The following DST variants were observed in gnomAD, a reference collection of about 807,000 sequenced individuals.
DST encodes dystonin.
A neutral mutation model predicts 875.2 loss-of-function variants in DST; 253 were observed. That is an observed-to-expected ratio of 0.29 (90% CI 0.26 to 0.32). DST has a LOEUF of 0.32. DST is among the 10% of genes least tolerant of loss of function. DST has a pLI of 1.00. For synonymous variants in DST, 3,124 were observed against 3,197.1 expected, an observed-to-expected ratio of 0.98 and a Z score of 0.77; for missense variants, 8,287 against 9,111.6, an observed-to-expected ratio of 0.91 and a Z score of 3.68.
At chr6:56,826,768 A>G (rs1363893825) in intron 4 of DST, among the ~76,000 whole-genome samples, 3 of 152,200 alleles carry the variant, frequency 2.0e-5, no homozygotes, top group Admixed American at 2.0e-4. Context: ...CTGCTATTAC[A>G]AACAATGTCA....
chr6:56,613,282 T>A (rs1482050627), intron 37 of DST, among the ~76,000 whole-genome samples: 2 of 152,182 alleles, frequency 1.3e-5, no homozygotes, highest in African/African-American at 4.8e-5. Flanking sequence ...ATCCCACATA[T>A]ATAGTATGTA....
chr6:56,814,056 A>G (rs887513072), intron 4 of DST, among the ~76,000 whole-genome samples: 22 of 152,176 alleles, frequency 1.4e-4, no homozygotes, highest in African/African-American at 5.3e-4. Flanking sequence ...TGTATTACTA[A>G]CTCAAAAATA....
intron 4 of DST, among the ~76,000 whole-genome samples, chr6:56,821,262 C>T (rs923850203): frequency 1.3e-5 from 2 of 152,114 alleles, no homozygotes; most frequent in Admixed American, 1.3e-4. Context: ...GGATCTAGTG[C>T]AATACATGGC....
chr6:56,516,180 A>AGAGAAAGAGAAAGAGAAG, intron 71 of DST, among the ~76,000 whole-genome samples: 1 of 150,030 alleles, frequency 6.7e-6, no homozygotes, highest in African/African-American at 2.4e-5. Context: ...AGAGAAAGAA[A>AGAGAAAGAGAAAGAGAAG]GAGAAAGAGA....
chr6:56,713,175 T>C (rs922839214), intron 5 of DST, among the ~76,000 whole-genome samples: 4 of 152,284 alleles, frequency 2.6e-5, no homozygotes, highest in South Asian at 2.1e-4. Context: ...GGGCATGGTA[T>C]GATTCCAGGT....
At chr6:56,553,775 G>A (rs1345283619) in intron 60 of DST, 120 bp from the exon 61 acceptor site, 9 of 914,426 alleles carry the variant, frequency 9.8e-6, no homozygotes, top group Non-Finnish European at 1.4e-5. Context: ...AGGGCTTTTA[G>A]CATTGACTAT....
intron 103 of DST, among the ~76,000 whole-genome samples, chr6:56,459,800 T>C (rs1177846472): frequency 6.6e-6 from 1 of 152,224 alleles, no homozygotes; most frequent in African/African-American, 2.4e-5. Context: ...AGGCTCAGTG[T>C]GGCTGGGTTC....
At chr6:56,674,571 A>G (rs1023961689) in intron 9 of DST, among the ~76,000 whole-genome samples, 2 of 152,228 alleles carry the variant, frequency 1.3e-5, no homozygotes, top group East Asian at 3.8e-4. Context: ...TGCTGGGATT[A>G]CAGGCGTGAG....
At chr6:56,724,283 C>G (rs2099435859) in intron 5 of DST, among the ~76,000 whole-genome samples, 1 of 152,196 alleles carries the variant, frequency 6.6e-6, no homozygotes, top group African/African-American at 2.4e-5. Context: ...CTATAGGAAT[C>G]ATTTCTACTT....
At position 56,606,621 on chromosome 6, in the gene DST, C is replaced by T. The variant is rs767141835; in HGVS notation, c.8007G>A (p.Met2669Ile). 6.8e-6 allele frequency: 11 copies of T among 1,613,418 alleles called. No homozygotes were observed. The highest frequency in any genetic ancestry group is 9.3e-6 in the Non-Finnish European group (11 of 1,179,614). The change falls in exon 40 of 104, where the codon ATG (methionine) becomes ATA (isoleucine). Residue 2669 changes from methionine to isoleucine, a missense_variant. By Grantham distance (10) the Met-to-Ile change is conservative. Around this residue, in one of 10 missense-constraint regions of DST, gnomAD observed 3,138 missense variants for 3,116.6 expected, o/e 1.01. Transcript: ENST00000680361. ...YDVSKENENS[M>I]VPQGAPVGSL... ...TACCAACTGGTGCCCCCTGGGGAAC[C>T]ATGGAATTTTCATTCTCTTTTGAGA...
At chr6:56,627,363 A>G (rs962108630) in intron 33 of DST, 76 bp from the exon 34 acceptor site, 21 of 972,644 alleles carry the variant, frequency 2.2e-5, no homozygotes, top group Non-Finnish European at 3.5e-5. Flanking sequence ...TCAGTAACTA[A>G]GACATATCTA....
intron 4 of DST, among the ~76,000 whole-genome samples, chr6:56,749,182 G>A (rs1172069738): frequency 2.0e-5 from 3 of 151,960 alleles, no homozygotes; most frequent in East Asian, 1.9e-4. Context: ...GTGAAACCTC[G>A]TCTCTACTAA....
At chr6:56,522,038 C>A (rs1040879995) in intron 69 of DST, among the ~76,000 whole-genome samples, 3 of 152,108 alleles carry the variant, frequency 2.0e-5, no homozygotes, top group African/African-American at 7.2e-5. Flanking sequence ...GCTACTGTAA[C>A]TTCTGTTTAT....
At chr6:56,780,732 T>C (rs1356101249) in intron 4 of DST, among the ~76,000 whole-genome samples, 1 of 150,318 alleles carries the variant, frequency 6.7e-6, no homozygotes, top group South Asian at 2.1e-4. Flanking sequence ...TTAGTTTAAT[T>C]AGATCCCATT....
intron 61 of DST, among the ~76,000 whole-genome samples, chr6:56,550,757 T>C (rs1235267241): frequency 6.6e-6 from 1 of 152,198 alleles, no homozygotes; most frequent in East Asian, 1.9e-4. Flanking sequence ...TAAATTTCAT[T>C]AGTATAAACA....
chr6:56,731,782 T>C (rs1308209893), intron 5 of DST, among the ~76,000 whole-genome samples: 7 of 152,344 alleles, frequency 4.6e-5, no homozygotes, highest in Non-Finnish European at 7.3e-5. Flanking sequence ...CATACAGTCA[T>C]AGAGTAATAT....
rs1199553212 is a variant in DST at position 56,593,975 on chromosome 6, C to T, written c.12414G>A (p.Lys4138=). 1 of 1,613,874 alleles carries T rather than the reference C, an allele frequency of 6.2e-7. No individual in the cohort carries two copies. The highest frequency in any genetic ancestry group is 1.3e-5 in the African/African-American group (1 of 75,026). The change falls in exon 48 of 104, where the codon AAG becomes AAA. Residue 4138 remains lysine, a synonymous_variant. Transcript: ENST00000680361. ...LTHSLQEELE[K]FDADYTEFEH... ...CAAACTCGGTATAGTCAGCATCAAA[C>T]TTTTCTAATTCTTCCTGCAGAGAGT...
rs1020875851 is a variant in DST at position 56,861,034 on chromosome 6, A to T, written c.418-9430T>A. On this transcript the variant is annotated intron_variant, in intron 3 of 103. Coordinates refer to ENST00000680361, the MANE Select transcript of DST (RefSeq NM_001374736.1). The stretch of plus-strand genomic sequence containing the variant: ...AATTATAGATATTCAGTTCTTCTCT[A>T]TTGACACATAAGCAAAGTTATGTCT... Among the ~76,000 whole-genome samples the T allele has an allele frequency of 2.6e-5, 4 of 151,886 alleles. No individual in the cohort carries two copies. In the East Asian group the frequency reaches 7.7e-4, roughly 29 times the overall value.
intron 32 of DST, among the ~76,000 whole-genome samples, chr6:56,628,490 C>T (rs1053770738): frequency 1.3e-5 from 2 of 152,140 alleles, no homozygotes; most frequent in South Asian, 4.1e-4. Context: ...AATAGTAAGG[C>T]TTGCATCAAA....
Sources: gnomAD v4.1 joint callset for allele counts (sites outside exome capture counted in the v4.1 genomes callset) on GRCh38, gnomAD v4.1.1 for gene constraint, gnomAD v4.1.1 regional missense constraint, MANE v1.5 for transcripts, NCBI Gene and HGNC (gene_info 2026-07-23, HGNC 2026-07-21) for gene names.